Variants in TMPRSS11F observed in about 807,000 individuals in gnomAD.
TMPRSS11F encodes the protein transmembrane protease serine 11F.
Under a neutral mutation model 60.2 loss-of-function variants are expected in TMPRSS11F, and 47 were observed. The observed-to-expected ratio is 0.78, with a 90% CI of 0.62 to 1.00. The LOEUF (loss-of-function observed/expected upper bound fraction) is 1.00. Ranked by LOEUF, TMPRSS11F falls within the 50% of genes least tolerant of loss-of-function variation. The pLI, the probability that TMPRSS11F is intolerant of heterozygous loss-of-function variation, is 0.00. For synonymous variants in TMPRSS11F, 166 were observed against 167.3 expected, an observed-to-expected ratio of 0.99 and a Z score of 0.06; for missense variants, 519 against 522.9, an observed-to-expected ratio of 0.99 and a Z score of 0.07.
intron 1 of TMPRSS11F, among the ~76,000 whole-genome samples, chr4:68,117,971 C>T (rs1409048746): frequency 2.0e-5 from 3 of 152,112 alleles, no homozygotes; most frequent in African/African-American, 7.2e-5. Context: ...GAGATAACTC[C>T]TTATTGTTTT....
At chr4:68,065,058 G>T in intron 7 of TMPRSS11F, 114 bp from the exon 8 acceptor site, 1 of 1,101,080 alleles carries the variant, frequency 9.1e-7, no homozygotes. Flanking sequence ...TTCTTTTGGT[G>T]AGAAAGTTTG....
At chr4:68,117,235 A>AG (rs1210969547) in intron 1 of TMPRSS11F, among the ~76,000 whole-genome samples, 1 of 151,998 alleles carries the variant, frequency 6.6e-6, no homozygotes, top group African/African-American at 2.4e-5. Flanking sequence ...TGGGAGGCCG[A>AG]GGGGGGCGGA....
chr4:68,116,076 TTC>T (rs1724513156), intron 1 of TMPRSS11F, among the ~76,000 whole-genome samples: 2 of 151,834 alleles, frequency 1.3e-5, no homozygotes, highest in Non-Finnish European at 2.9e-5. Context: ...AATTGTTTCT[TTC>T]TTTCTCAAAA....
intron 4 of TMPRSS11F, among the ~76,000 whole-genome samples, chr4:68,073,562 A>G (rs1723523004): frequency 6.6e-6 from 1 of 152,244 alleles, no homozygotes; most frequent in Non-Finnish European, 1.5e-5. Flanking sequence ...ATGCACTGTC[A>G]TGAAAGAAAC....
At chr4:68,073,675 G>A (rs1364615566) in intron 4 of TMPRSS11F, among the ~76,000 whole-genome samples, 1 of 152,074 alleles carries the variant, frequency 6.6e-6, no homozygotes, top group Non-Finnish European at 1.5e-5. Flanking sequence ...TAAGAGACGG[G>A]GGGAAGAGGG....
chr4:68,101,172 GT>G (rs139587735), intron 1 of TMPRSS11F, among the ~76,000 whole-genome samples: 5,438 of 152,244 alleles, frequency 0.036, 273 homozygotes, highest in African/African-American at 0.11. Context: ...TTTAAAATAA[GT>G]TTCTTCTGCC....
chr4:68,115,092 G>A (rs557277027), intron 1 of TMPRSS11F, among the ~76,000 whole-genome samples: 1 of 151,452 alleles, frequency 6.6e-6, no homozygotes, highest in East Asian at 1.9e-4. Context: ...GCTCACGCCT[G>A]TAATCCCAGC....
At chr4:68,108,100 C>A (rs916528543) in intron 1 of TMPRSS11F, among the ~76,000 whole-genome samples, 3 of 152,082 alleles carry the variant, frequency 2.0e-5, no homozygotes, top group African/African-American at 7.2e-5. Context: ...TAGTTCAGGT[C>A]TGAGATGATG....
chr4:68,091,309 C>A (rs1023162952), intron 2 of TMPRSS11F, among the ~76,000 whole-genome samples: 7 of 152,098 alleles, frequency 4.6e-5, no homozygotes, highest in African/African-American at 1.4e-4. Flanking sequence ...ACCTCCCTGG[C>A]CATACGTCGC....
chr4:68,072,234 T>TATATATATATATATATATATCTTCCAAA, intron 5 of TMPRSS11F, 89 bp downstream of exon 5: 5 of 134,634 alleles, frequency 3.7e-5, no homozygotes, highest in African/African-American at 1.1e-4. Context: ...AAAAAAAATA[T>TATATATATATATATATATATCTTCCAAA]ATATATATAT....
At chr4:68,103,332 G>C (rs546729508) in intron 1 of TMPRSS11F, among the ~76,000 whole-genome samples, 3 of 152,006 alleles carry the variant, frequency 2.0e-5, no homozygotes, top group East Asian at 1.9e-4. Context: ...CGTAGTCCCA[G>C]ATACTTAAGA....
At chr4:68,056,564 T>C (rs1723051067) in intron 9 of TMPRSS11F, among the ~76,000 whole-genome samples, 2 of 152,022 alleles carry the variant, frequency 1.3e-5, no homozygotes. Context: ...AGATACTCCA[T>C]GTTTATGGAT....
intron 1 of TMPRSS11F, among the ~76,000 whole-genome samples, chr4:68,099,248 T>C (rs1724140451): frequency 6.6e-6 from 1 of 152,214 alleles, no homozygotes; most frequent in Non-Finnish European, 1.5e-5. Flanking sequence ...TCTGCTGATG[T>C]TGACATTCAA....
chr4:68,070,016 A>G lies in TMPRSS11F; in HGVS notation c.515-9T>C, dbSNP rs765413581. On this transcript the variant is annotated splice_polypyrimidine_tract_variant and intron_variant, in intron 5 of 9. Coordinates refer to ENST00000356291, the MANE Select transcript of TMPRSS11F (RefSeq NM_207407.2). ...CTTTTTGCTGTCAATAGCTGGAATA[A>G]GCAAAACATGAATTAGTTGGCAGAA... 4 of 1,603,478 alleles carry G rather than the reference A, an allele frequency of 2.5e-6. No homozygotes were observed. The highest frequency in any genetic ancestry group is 3.4e-6 in the Non-Finnish European group (4 of 1,174,520).
At chr4:68,063,358 CTTT>C (rs373419590) in intron 8 of TMPRSS11F, 5 of 421,504 alleles carry the variant, frequency 1.2e-5, no homozygotes, top group Non-Finnish European at 1.8e-5. Flanking sequence ...CTTTTTCTCT[CTTT>C]TTTTTTGTTT....
chr4:68,110,453 T>C (rs1724389755), intron 1 of TMPRSS11F, among the ~76,000 whole-genome samples: 1 of 152,152 alleles, frequency 6.6e-6, no homozygotes, highest in Non-Finnish European at 1.5e-5. Flanking sequence ...ATCTGCTCTA[T>C]AGGCAATTAA....
intron 9 of TMPRSS11F, among the ~76,000 whole-genome samples, chr4:68,055,207 A>G (rs1194367367): frequency 6.6e-6 from 1 of 152,218 alleles, no homozygotes; most frequent in Non-Finnish European, 1.5e-5. Flanking sequence ...AAGTCCATGT[A>G]GAGCCTCATA....
intron 1 of TMPRSS11F, among the ~76,000 whole-genome samples, chr4:68,109,280 G>A (rs904107688): frequency 2.0e-5 from 3 of 151,958 alleles, no homozygotes; most frequent in Non-Finnish European, 2.9e-5. Context: ...TGGAGTACCC[G>A]GCCGGTACTC....
chr4:68,113,037 T>C (rs563077531), intron 1 of TMPRSS11F, among the ~76,000 whole-genome samples: 309 of 152,268 alleles, frequency 2.0e-3, no homozygotes, highest in African/African-American at 7.0e-3. Context: ...CCCAACAACA[T>C]AATACACATT....
Sources: gnomAD v4.1 joint callset for allele counts (sites outside exome capture counted in the v4.1 genomes callset) on GRCh38, gnomAD v4.1.1 for gene constraint, MANE v1.5 for transcripts, NCBI Gene and HGNC (gene_info 2026-07-23, HGNC 2026-07-21) for gene names.